SUSD6: variants seen among roughly 807,000 people sequenced by gnomAD.
SUSD6 encodes the protein sushi domain-containing protein 6.
Under a neutral mutation model 28.4 loss-of-function variants are expected in SUSD6, and 16 were observed. The ratio of observed to expected loss-of-function variants is 0.56; its 90% CI spans 0.38 to 0.86. The LOEUF is 0.86. Ranked by LOEUF, SUSD6 falls within the 40% of genes least tolerant of loss-of-function variation. The probability of loss-of-function intolerance (pLI) is 0.00; values close to 1 mark genes in which losing one functional copy is unlikely to be tolerated. For missense variants in SUSD6, 341 were observed against 384.2 expected (o/e 0.89, Z 0.94); for synonymous variants, 147 against 159.6 (o/e 0.92, Z 0.59).
At chr14:69,632,007 T>G (rs929216438) in intron 1 of SUSD6, among the ~76,000 whole-genome samples, 1 of 152,214 alleles carries the variant, frequency 6.6e-6, no homozygotes, top group Non-Finnish European at 1.5e-5. Context: ...ATTCTGGGCT[T>G]TTTCCTCCCC....
intron 1 of SUSD6, among the ~76,000 whole-genome samples, chr14:69,618,874 A>G (rs1884995998): frequency 6.6e-6 from 1 of 152,236 alleles, no homozygotes; most frequent in Non-Finnish European, 1.5e-5. Flanking sequence ...CACTGTTGCT[A>G]TCTAGATGCT....
intron 2 of SUSD6, among the ~76,000 whole-genome samples, chr14:69,675,136 C>A (rs943448861): frequency 6.6e-6 from 1 of 151,776 alleles, no homozygotes; most frequent in Non-Finnish European, 1.5e-5. Context: ...TAATGACTGG[C>A]TTTGACACTG....
At chr14:69,695,188 T>A (rs1257642882) in intron 2 of SUSD6, among the ~76,000 whole-genome samples, 2 of 152,078 alleles carry the variant, frequency 1.3e-5, no homozygotes, top group Non-Finnish European at 2.9e-5. Flanking sequence ...TGTTTTAGAC[T>A]TGACTATTTG....
intron 1 of SUSD6, among the ~76,000 whole-genome samples, chr14:69,623,006 T>A (rs1885064021): frequency 6.6e-6 from 1 of 152,198 alleles, no homozygotes; most frequent in Non-Finnish European, 1.5e-5. Flanking sequence ...CAACTGTACT[T>A]GTATGTAGTA....
chr14:69,707,702 ACGC>A (rs1886404783), intron 4 of SUSD6, among the ~76,000 whole-genome samples: 1 of 152,138 alleles, frequency 6.6e-6, no homozygotes, highest in Admixed American at 6.5e-5. Context: ...GGTTGTGATC[ACGC>A]CACTGCACTG....
At chr14:69,621,914 T>C (rs993162636) in intron 1 of SUSD6, among the ~76,000 whole-genome samples, 1 of 152,192 alleles carries the variant, frequency 6.6e-6, no homozygotes, top group South Asian at 2.1e-4. Flanking sequence ...TGAGCAATTG[T>C]AGAATGAACA....
intron 2 of SUSD6, among the ~76,000 whole-genome samples, chr14:69,699,733 C>T (rs909620969): frequency 2.0e-5 from 3 of 151,980 alleles, no homozygotes; most frequent in African/African-American, 7.3e-5. Flanking sequence ...GGTTCATTGT[C>T]CCACAGCCAT....
At chr14:69,616,041 G>A (rs1884955304) in intron 1 of SUSD6, among the ~76,000 whole-genome samples, 1 of 152,056 alleles carries the variant, frequency 6.6e-6, no homozygotes, top group Non-Finnish European at 1.5e-5. Flanking sequence ...TTATTTTTTG[G>A]CAAAGCCTCC....
At chr14:69,641,737 A>C (rs907205267) in intron 1 of SUSD6, among the ~76,000 whole-genome samples, 1 of 151,784 alleles carries the variant, frequency 6.6e-6, no homozygotes, top group Non-Finnish European at 1.5e-5. Flanking sequence ...TTACAGGTGC[A>C]TGCCACTACA....
intron 2 of SUSD6, among the ~76,000 whole-genome samples, chr14:69,684,039 G>A (rs1433330997): frequency 5.3e-5 from 8 of 152,198 alleles, no homozygotes; most frequent in African/African-American, 1.9e-4. Context: ...AGTAGGATCA[G>A]CTCTCAGGCA....
chr14:69,698,094 G>A (rs548003824), intron 2 of SUSD6, among the ~76,000 whole-genome samples: 19 of 152,362 alleles, frequency 1.2e-4, no homozygotes, highest in African/African-American at 2.6e-4. Flanking sequence ...TTGGGAGGCC[G>A]AGGCGGGCAG....
Position 69,714,934 on chromosome 14 carries a change from A to C in SUSD6, c.*3955A>C, listed in dbSNP as rs1280451640. 6.6e-6 allele frequency: 1 copy of C among 152,190 alleles called. No individual in the cohort carries two copies. The highest frequency in any genetic ancestry group is 2.4e-5 in the African/African-American group (1 of 41,438). 9.4% of individuals were successfully genotyped at this position (152,190 alleles called of 1,614,324 possible). A position where few individuals can be genotyped will look rare whatever the true frequency, so the allele number is the denominator to read the frequency against. ...GGTACTCATATAATGGTTTAAAACA[A>C]CACATTCATAATTGACTCTGTGCAG... On this transcript the variant is annotated 3_prime_UTR_variant, in exon 6 of 6. Transcript: ENST00000342745.
At position 69,708,743 on chromosome 14, in the gene SUSD6, A is replaced by T. The variant is rs1886419076; in HGVS notation, c.525A>T (p.Pro175=). The T allele has an allele frequency of 3.1e-6, 5 of 1,613,376 alleles. No individual in the cohort carries two copies. Among genetic ancestry groups the T allele is most frequent in the Non-Finnish European group, 4.2e-6 (5 of 1,179,714 alleles). ...TGGATGGAGTCCAGGTTGCACTACCATCATACGAGGAGGCTGTATATGGCA... is the reference window on the plus strand; with the variant it reads ...TGGATGGAGTCCAGGTTGCACTACCTTCATACGAGGAGGCTGTATATGGCA... The part of the protein sequence containing the change: ...IMVDGVQVAL[P]SYEEAVYGSS... Residue 175 remains proline (P), a synonymous_variant, in exon 5 of 6, where the codon CCA becomes CCT. Transcript: ENST00000342745.
intron 2 of SUSD6, among the ~76,000 whole-genome samples, 200 bp downstream of exon 2, chr14:69,658,913 C>T (rs111720331): frequency 6.6e-5 from 10 of 152,138 alleles, no homozygotes; most frequent in African/African-American, 2.4e-4. Flanking sequence ...CGTGTGGGAG[C>T]CTGCTGGTGG....
At chr14:69,632,652 T>TAAA (rs200111208) in intron 1 of SUSD6, among the ~76,000 whole-genome samples, 8 of 143,758 alleles carry the variant, frequency 5.6e-5, no homozygotes, top group Non-Finnish European at 1.1e-4. Context: ...CAACTAGCAT[T>TAAA]AAAAAAAAAA....
intron 1 of SUSD6, among the ~76,000 whole-genome samples, chr14:69,638,112 AAAAC>A (rs1176402537): frequency 4.6e-5 from 7 of 152,326 alleles, no homozygotes; most frequent in South Asian, 2.1e-4. Flanking sequence ...AACAGAAACA[AAAAC>A]AAAAAATGTT....
intron 1 of SUSD6, among the ~76,000 whole-genome samples, chr14:69,613,024 T>TCTCTGGGTTTTGTGTTTTTA (rs1273273382): frequency 6.6e-6 from 1 of 152,184 alleles, no homozygotes; most frequent in Non-Finnish European, 1.5e-5. Flanking sequence ...ACTTCTGAGT[T>TCTCTGGGTTTTGTGTTTTTA]CTCTGGGTTT....
intron 1 of SUSD6, among the ~76,000 whole-genome samples, chr14:69,627,978 G>A (rs1885139373): frequency 6.6e-6 from 1 of 150,876 alleles, no homozygotes; most frequent in Admixed American, 6.6e-5. Context: ...CTGTCACCCA[G>A]TCTGGAGGGC....
chr14:69,653,915 G>A (rs912164628), intron 1 of SUSD6, among the ~76,000 whole-genome samples: 2 of 152,096 alleles, frequency 1.3e-5, no homozygotes, highest in African/African-American at 2.4e-5. Context: ...CAATACTTTG[G>A]AGATTTAGGG....
Sources: gnomAD v4.1 joint callset for allele counts (sites outside exome capture counted in the v4.1 genomes callset) on GRCh38, gnomAD v4.1.1 for gene constraint, MANE v1.5 for transcripts, NCBI Gene and HGNC (gene_info 2026-07-23, HGNC 2026-07-21) for gene names.